Variants in KIAA1217 observed in about 807,000 individuals in gnomAD.
The protein encoded by KIAA1217 is KIAA1217.
A neutral mutation model predicts 163.9 loss-of-function variants in KIAA1217; 88 were observed. The ratio of observed to expected loss-of-function variants is 0.54; its 90% CI spans 0.45 to 0.64. KIAA1217 has a LOEUF of 0.64. Ranked by LOEUF, KIAA1217 falls within the 30% of genes least tolerant of loss-of-function variation. KIAA1217 has a pLI of 0.00. For missense variants in KIAA1217, 2,372 were observed against 2,475.0 expected, an observed-to-expected ratio of 0.96 and a Z score of 0.88; for synonymous variants, 903 against 923.1, an observed-to-expected ratio of 0.98 and a Z score of 0.39.
In KIAA1217 at chr10:23,905,822, T is replaced by G. The variant is rs959223566; in HGVS notation, c.-320-101403T>G. On this transcript the variant is annotated intron_variant, in intron 1 of 18. Transcript: ENST00000376462. ...CCCAAAAGTCCAAGACTGAGATGAC[T>G]TTGGTAGGGAAGTGTGTGCACACAA... Among the ~76,000 whole-genome samples the G allele has an allele frequency of 3.3e-5, 5 of 152,234 alleles. No homozygotes were observed. The East Asian group carries it at 7.7e-4, about 24-fold the overall frequency.
chr10:23,780,900 C>T (rs148942316), intron 1 of KIAA1217, among the ~76,000 whole-genome samples: 2 of 152,220 alleles, frequency 1.3e-5, no homozygotes, highest in Admixed American at 6.5e-5. Context: ...AGGCTGGTCT[C>T]GAACTCCTGA....
At chr10:24,411,181 A>T (rs184012337) in intron 3 of KIAA1217, among the ~76,000 whole-genome samples, 184 of 152,284 alleles carry the variant, frequency 1.2e-3, no homozygotes, top group African/African-American at 3.9e-3. Flanking sequence ...ATTGCTCTTC[A>T]CTTGATCAAT....
chr10:24,145,022 G>T (rs887930405), intron 2 of KIAA1217, among the ~76,000 whole-genome samples: 1 of 152,176 alleles, frequency 6.6e-6, no homozygotes, highest in Non-Finnish European at 1.5e-5. Flanking sequence ...TCTTATTTGG[G>T]TTTTCATTAT....
chr10:23,883,581 C>G (rs1447681140), intron 1 of KIAA1217, among the ~76,000 whole-genome samples: 2 of 151,894 alleles, frequency 1.3e-5, no homozygotes, highest in African/African-American at 4.8e-5. Context: ...GCAACGTTCT[C>G]CACCAAATCG....
chr10:24,259,316 C>G (rs180955347), intron 2 of KIAA1217, among the ~76,000 whole-genome samples: 5 of 152,196 alleles, frequency 3.3e-5, no homozygotes, highest in Admixed American at 3.3e-4. Flanking sequence ...GGTGCTTTGT[C>G]AAAATACTTG....
At chr10:24,082,850 A>T (rs184790500) in intron 2 of KIAA1217, among the ~76,000 whole-genome samples, 5 of 152,334 alleles carry the variant, frequency 3.3e-5, no homozygotes, top group Non-Finnish European at 7.3e-5. Context: ...GAACTAATTT[A>T]CATTCCCACC....
intron 2 of KIAA1217, among the ~76,000 whole-genome samples, chr10:24,101,035 G>T (rs2062393067): frequency 6.6e-6 from 1 of 152,146 alleles, no homozygotes; most frequent in African/African-American, 2.4e-5. Flanking sequence ...TTTTTATGGT[G>T]TTTCTTTTTC....
chr10:24,029,097 C>T (rs1848086796), intron 2 of KIAA1217, among the ~76,000 whole-genome samples: 1 of 152,098 alleles, frequency 6.6e-6, no homozygotes, highest in African/African-American at 2.4e-5. Context: ...GTTTTCCTAG[C>T]TGCCCATAAG....
chr10:24,348,266 A>G (rs2048036609), intron 2 of KIAA1217, among the ~76,000 whole-genome samples: 1 of 152,118 alleles, frequency 6.6e-6, no homozygotes, highest in African/African-American at 2.4e-5. Flanking sequence ...TGAACCTGGG[A>G]GGCAGAAGTT....
chr10:24,214,479 G>A (rs1249497402), intron 1 of KIAA1217, among the ~76,000 whole-genome samples: 1 of 152,172 alleles, frequency 6.6e-6, no homozygotes, highest in Non-Finnish European at 1.5e-5. Context: ...GAACGTGGAA[G>A]GTTATTTGGG....
intron 1 of KIAA1217, among the ~76,000 whole-genome samples, chr10:23,805,930 C>T (rs1360942968): frequency 1.1e-4 from 14 of 130,216 alleles, no homozygotes; most frequent in Admixed American, 2.7e-4. Context: ...TGAGGAGAAT[C>T]GCTTGATACT....
rs2057150296 is a variant in KIAA1217, at chr10:24,405,839, T to C, written c.553+24772T>C. 2.0e-5 allele frequency among the ~76,000 whole-genome samples: 3 copies of C among 152,326 alleles called. No individual in the cohort carries two copies. In the South Asian group the frequency reaches 6.2e-4, roughly 32 times the overall value. ...CAGGGCTCTCTATCTCCTAAGCATA[T>C]GTGCTTTTAACCTCCCTGTCCCCTC... On this transcript the variant is annotated intron_variant, in intron 3 of 20. Transcript: ENST00000376454.
chr10:23,902,171 G>A (rs75502978), intron 1 of KIAA1217, among the ~76,000 whole-genome samples: 1,692 of 152,012 alleles, frequency 0.011, 35 homozygotes, highest in African/African-American at 0.038. Flanking sequence ...TATTTTTCCC[G>A]TGGAATACTA....
intron 1 of KIAA1217, among the ~76,000 whole-genome samples, chr10:23,759,080 T>G (rs1207505440): frequency 2.6e-5 from 4 of 152,244 alleles, no homozygotes; most frequent in African/African-American, 9.6e-5. Flanking sequence ...TATTTATTTC[T>G]TCTTTAGTTT....
chr10:24,352,107 C>A (rs1162875286), intron 2 of KIAA1217, among the ~76,000 whole-genome samples: 1 of 152,254 alleles, frequency 6.6e-6, no homozygotes, highest in African/African-American at 2.4e-5. Context: ...TCTTCACACC[C>A]AAGTGAAGCC....
chr10:23,747,956 C>A (rs572638193), intron 1 of KIAA1217, among the ~76,000 whole-genome samples: 1 of 152,314 alleles, frequency 6.6e-6, no homozygotes, highest in South Asian at 2.1e-4. Context: ...TTGTGCGCTA[C>A]ACCTGGATTC....
chr10:24,419,409 C>T (rs2058551327), intron 3 of KIAA1217, among the ~76,000 whole-genome samples: 3 of 151,974 alleles, frequency 2.0e-5, no homozygotes, highest in African/African-American at 7.3e-5. Flanking sequence ...TATAGTAATA[C>T]CATAAACAGA....
intron 2 of KIAA1217, among the ~76,000 whole-genome samples, chr10:24,125,910 T>C (rs2063457485): frequency 6.6e-6 from 1 of 152,224 alleles, no homozygotes; most frequent in Non-Finnish European, 1.5e-5. Context: ...GAATCTGCTA[T>C]TGTCTACTTG....
chr10:24,152,739 A>G (rs572377439), intron 2 of KIAA1217, among the ~76,000 whole-genome samples: 638 of 152,132 alleles, frequency 4.2e-3, no homozygotes, highest in African/African-American at 0.015. Flanking sequence ...AAAAAAAAAA[A>G]ACTCTTTGTA....
Sources: gnomAD v4.1 joint callset for allele counts (sites outside exome capture counted in the v4.1 genomes callset) on GRCh38, gnomAD v4.1.1 for gene constraint, MANE v1.5 for transcripts, NCBI Gene and HGNC (gene_info 2026-07-23, HGNC 2026-07-21) for gene names.